The following NOL7 variants were observed in gnomAD, a reference collection of about 807,000 sequenced individuals.
NOL7 encodes the protein U3 small nucleolar RNA-associated protein NOL7.
In NOL7, 36 loss-of-function variants were observed where a neutral mutation model predicts 38.4. The ratio of observed to expected loss-of-function variants is 0.94; its 90% CI spans 0.72 to 1.24. The LOEUF is 1.24. Among genes scored for constraint, NOL7 ranks in the 50% most tolerant of loss-of-function variants. The pLI is 0.00. For missense variants in NOL7, 350 were observed against 315.1 expected (o/e 1.11, Z -0.84); for synonymous variants, 142 against 126.5 (o/e 1.12, Z -0.82).
chr6:13,627,686 A>G (rs1764653722), intron 8 of NOL7, among the ~76,000 whole-genome samples: 1 of 151,978 alleles, frequency 6.6e-6, no homozygotes, highest in Non-Finnish European at 1.5e-5. Flanking sequence ...AGCTTTGCTC[A>G]AGACTTAATT....
chr6:13,627,107 T>C (rs1340751641), intron 8 of NOL7, among the ~76,000 whole-genome samples: 1 of 152,176 alleles, frequency 6.6e-6, no homozygotes, highest in Non-Finnish European at 1.5e-5. Flanking sequence ...ATAAAAATTA[T>C]TTACTATACT....
At chr6:13,627,275 C>T (rs1449167461) in intron 8 of NOL7, among the ~76,000 whole-genome samples, 1 of 152,102 alleles carries the variant, frequency 6.6e-6, no homozygotes, top group Non-Finnish European at 1.5e-5. Flanking sequence ...CCCACACTTC[C>T]CAACCCATGG....
chr6:13,618,469 G>C (rs1291473451), intron 5 of NOL7, among the ~76,000 whole-genome samples: 2 of 151,294 alleles, frequency 1.3e-5, no homozygotes, highest in African/African-American at 4.9e-5. Context: ...GGATGGTCTC[G>C]ATCTCCTGAC....
chr6:13,615,966 G>T (rs758199002), intron 2 of NOL7, among the ~76,000 whole-genome samples, 194 bp downstream of exon 2: 1 of 151,920 alleles, frequency 6.6e-6, no homozygotes, highest in Non-Finnish European at 1.5e-5. Flanking sequence ...AGCCCGGGAT[G>T]TCGAGGCTGC....
At chr6:13,626,514 T>C (rs1254605923), downstream of NOL7, among the ~76,000 whole-genome samples, 1 of 152,200 alleles carries the variant, frequency 6.6e-6, no homozygotes, top group Non-Finnish European at 1.5e-5. Context: ...ATTTCCTAGA[T>C]TTGTATGAGG....
At chr6:13,629,921 C>CGT (rs3063992) in intron 8 of NOL7, among the ~76,000 whole-genome samples, 32,392 of 128,022 alleles carry the variant, frequency 0.25, 3,728 homozygotes, top group East Asian at 0.53. Flanking sequence ...CTCTCTCTCT[C>CGT]GTGTGTGTGT....
At chr6:13,631,720 C>G (rs1764787475) in intron 8 of NOL7, among the ~76,000 whole-genome samples, 1 of 152,226 alleles carries the variant, frequency 6.6e-6, no homozygotes, top group Non-Finnish European at 1.5e-5. Flanking sequence ...AGCTGTACAT[C>G]TCTACAACTG....
downstream of NOL7, among the ~76,000 whole-genome samples, chr6:13,625,059 C>G (rs1315069473): frequency 4.6e-5 from 7 of 152,222 alleles, no homozygotes; most frequent in Admixed American, 4.6e-4. Context: ...TTGAGCTTCT[C>G]TGATATTCAA....
intron 2 of NOL7, 83 bp from the exon 3 acceptor site, chr6:13,616,379 CT>C: frequency 1.1e-6 from 1 of 932,170 alleles, no homozygotes; most frequent in Non-Finnish European, 1.7e-6. Context: ...GTAGGGCATT[CT>C]TAAAAGCGGT....
In NOL7 at chr6:13,618,141, T is replaced by TAATG. The variant is rs1764336748; in HGVS notation, c.500+4_500+7dup. ...AGTACAAAAAGTACAGTCTGTCAGG[T>TAATG]AATGAGTCTTTTGTTTCATTTGGGA... On this transcript the variant is annotated splice_region_variant and intron_variant, in intron 5 of 7. Transcript: ENST00000451315. 1.3e-6 allele frequency: 2 copies of TAATG among 1,538,004 alleles called. No homozygotes were observed. The highest frequency in any genetic ancestry group is 1.4e-5 in the African/African-American group (1 of 72,838).
At chr6:13,632,118 C>CTTTTTTTTTTTTTTTTTTTT (rs752500098) in intron 8 of NOL7, among the ~76,000 whole-genome samples, 1 of 74,922 alleles carries the variant, frequency 1.3e-5, no homozygotes, top group Non-Finnish European at 2.6e-5. Flanking sequence ...GGATTTAATC[C>CTTTTTTTTTTTTTTTTTTTT]TTTTTTTTTT....
intron 8 of NOL7, among the ~76,000 whole-genome samples, chr6:13,629,895 GTCTCTCTC>G (rs35437953): frequency 8.3e-5 from 12 of 143,822 alleles, no homozygotes; most frequent in Non-Finnish European, 1.2e-4. Context: ...TCATGTCTCT[GTCTCTCTC>G]TCTCTCTCTC....
intron 4 of NOL7, 95 bp downstream of exon 4, chr6:13,617,896 C>T: frequency 7.7e-7 from 1 of 1,292,282 alleles, no homozygotes; most frequent in South Asian, 1.2e-5. Flanking sequence ...AGAAAGCCAG[C>T]ATGGGCCTGG....
downstream of NOL7, chr6:13,625,909 C>G (rs998880188): frequency 1.8e-5 from 10 of 544,244 alleles, no homozygotes; most frequent in African/African-American, 1.9e-4. Flanking sequence ...AGCACTGGGA[C>G]GCTCTACATT....
At chr6:13,622,953 T>C (rs949820911), downstream of NOL7, among the ~76,000 whole-genome samples, 2 of 152,220 alleles carry the variant, frequency 1.3e-5, no homozygotes, top group Non-Finnish European at 2.9e-5. Context: ...CCTAGCCATC[T>C]CCAAGGCATA....
At chr6:13,622,289 A>C (rs1344809089), downstream of NOL7, 7 of 1,347,720 alleles carry the variant, frequency 5.2e-6, no homozygotes, top group Non-Finnish European at 6.8e-6. Flanking sequence ...TCTAAATTTC[A>C]AATCAGCAGA....
rs183339967 is a variant in NOL7 at position 13,617,402 on chromosome 6, C to T, written c.387-368C>T. Among the ~76,000 whole-genome samples the T allele has an allele frequency of 1.4e-3, 220 of 152,344 alleles. 1 individual carries two copies. The highest frequency in any genetic ancestry group is 4.9e-3 in the African/African-American group (205 of 41,580). On this transcript the variant is annotated intron_variant, in intron 3 of 7. Transcript: ENST00000451315. ...CCTGTGCCTAAACTATTAAATTAAT[C>T]CTTTGTGATTTCTCCAAATGAAATG...
At chr6:13,618,869 C>T (rs1001605786) in intron 5 of NOL7, among the ~76,000 whole-genome samples, 1 of 151,792 alleles carries the variant, frequency 6.6e-6, no homozygotes, top group Non-Finnish European at 1.5e-5. Context: ...ACAGCCTGAG[C>T]GACAGAGTGA....
intron 8 of NOL7, among the ~76,000 whole-genome samples, chr6:13,627,918 AC>A (rs1487641045): frequency 2.0e-5 from 3 of 152,186 alleles, no homozygotes; most frequent in Non-Finnish European, 4.4e-5. Context: ...ACCATGGCAC[AC>A]GTTTACCTAT....
Sources: allele counts gnomAD v4.1 joint callset (sites outside exome capture counted in the v4.1 genomes callset), GRCh38; gene constraint gnomAD v4.1.1; transcripts MANE v1.5; gene names NCBI Gene and HGNC (gene_info 2026-07-23, HGNC 2026-07-21).